CCBE1: variants seen among roughly 807,000 people sequenced by gnomAD.
The protein encoded by CCBE1 is collagen and calcium binding EGF domains 1.
CCBE1 carries 37 observed loss-of-function variants against 50.0 expected under a neutral mutation model. The ratio of observed to expected loss-of-function variants is 0.74; its 90% confidence interval spans 0.57 to 0.97. The LOEUF (loss-of-function observed/expected upper bound fraction) is 0.97, where lower values mean the gene tolerates loss of function less well. Ranked by LOEUF, CCBE1 falls within the 50% of genes least tolerant of loss-of-function variation. CCBE1 has a pLI of 0.00. For synonymous variants in CCBE1, 234 were observed against 203.7 expected, an observed-to-expected ratio of 1.15 and a Z score of -1.27; for missense variants, 538 against 523.8, an observed-to-expected ratio of 1.03 and a Z score of -0.26.
At chr18:59,470,326 C>T (rs1486765105) in intron 3 of CCBE1, among the ~76,000 whole-genome samples, 1 of 152,082 alleles carries the variant, frequency 6.6e-6, no homozygotes, top group Non-Finnish European at 1.5e-5. Context: ...GGGAAAGACC[C>T]ACCCCATGAT....
At chr18:59,695,533 A>T (rs927908060) in intron 2 of CCBE1, among the ~76,000 whole-genome samples, 3 of 152,356 alleles carry the variant, frequency 2.0e-5, no homozygotes, top group Middle Eastern at 3.4e-3. Flanking sequence ...TTAAGAGCAG[A>T]AGTACGCGAT....
At chr18:59,657,750 C>T (rs533979014) in intron 2 of CCBE1, among the ~76,000 whole-genome samples, 2 of 152,190 alleles carry the variant, frequency 1.3e-5, no homozygotes, top group South Asian at 2.1e-4. Flanking sequence ...ATTAGCCGGG[C>T]GTGGTGGCAC....
chr18:59,438,050 C>A, intron 10 of CCBE1, 61 bp downstream of exon 10: 1 of 1,554,840 alleles, frequency 6.4e-7, no homozygotes, highest in Non-Finnish European at 8.9e-7. Flanking sequence ...CCTATAGGCT[C>A]ATCAGAGCTG....
At position 59,506,241 on chromosome 18, in the gene CCBE1, A is replaced by G. The variant is rs140258985; in HGVS notation, c.213-26003T>C. On this transcript the variant is annotated intron_variant, in intron 2 of 10. Coordinates refer to ENST00000439986, the MANE Select transcript of CCBE1 (RefSeq NM_133459.4). ...ATTGGAGTGACACATCTGCAAGCAAAGAAATGCCAAGGATTGTCACAACCA... is the reference window on the plus strand; with the variant it reads ...ATTGGAGTGACACATCTGCAAGCAAGGAAATGCCAAGGATTGTCACAACCA... Among the ~76,000 whole-genome samples, 506 of 152,320 alleles carry G rather than the reference A, an allele frequency of 3.3e-3. 2 individuals carry two copies. The highest frequency in any genetic ancestry group is 0.011 in the African/African-American group (463 of 41,570).
At chr18:59,563,791 T>C (rs1442221883) in intron 2 of CCBE1, 5 of 152,026 alleles carry the variant, frequency 3.3e-5, no homozygotes, top group Non-Finnish European at 5.9e-5. Flanking sequence ...TGTACCAGAG[T>C]TGTTCGTGAT....
At chr18:59,639,811 A>G (rs893514505) in intron 2 of CCBE1, among the ~76,000 whole-genome samples, 5 of 152,238 alleles carry the variant, frequency 3.3e-5, no homozygotes, top group African/African-American at 1.2e-4. Context: ...AAAAAAAGTT[A>G]ATGTATGAAA....
At chr18:59,671,272 C>A (rs2054425717) in intron 2 of CCBE1, among the ~76,000 whole-genome samples, 3 of 152,068 alleles carry the variant, frequency 2.0e-5, no homozygotes. Context: ...GCAGCCAAGA[C>A]TGGCAGATCA....
At chr18:59,546,786 C>CT (rs1915701306) in intron 2 of CCBE1, among the ~76,000 whole-genome samples, 1 of 152,000 alleles carries the variant, frequency 6.6e-6, no homozygotes, top group Non-Finnish European at 1.5e-5. Context: ...TATGTTACTT[C>CT]TAGGCTTTGT....
At chr18:59,493,418 C>G (rs1165964671) in intron 2 of CCBE1, among the ~76,000 whole-genome samples, 3 of 152,072 alleles carry the variant, frequency 2.0e-5, no homozygotes, top group Non-Finnish European at 4.4e-5. Context: ...TTCACAGTGA[C>G]CCAATATCAC....
intron 2 of CCBE1, among the ~76,000 whole-genome samples, chr18:59,488,216 CGGA>C (rs1912915992): frequency 6.6e-6 from 1 of 152,102 alleles, no homozygotes. Flanking sequence ...TACTGGGTAA[CGGA>C]TACAGAGTTT....
chr18:59,509,578 AC>A (rs1914039389), intron 2 of CCBE1, among the ~76,000 whole-genome samples: 1 of 152,202 alleles, frequency 6.6e-6, no homozygotes, highest in African/African-American at 2.4e-5. Context: ...TTAACCAGAA[AC>A]CCTCAGGGGC....
chr18:59,657,817 G>A (rs1022981352), intron 2 of CCBE1, among the ~76,000 whole-genome samples: 1 of 152,206 alleles, frequency 6.6e-6, no homozygotes, highest in Admixed American at 6.5e-5. Flanking sequence ...CTCGAACCCG[G>A]GAGGTGGAGG....
At chr18:59,582,112 T>C (rs2053093144) in intron 2 of CCBE1, among the ~76,000 whole-genome samples, 1 of 152,182 alleles carries the variant, frequency 6.6e-6, no homozygotes, top group Non-Finnish European at 1.5e-5. Flanking sequence ...TGCCTCATAG[T>C]AGGGTGCTCC....
intron 2 of CCBE1, among the ~76,000 whole-genome samples, chr18:59,593,932 C>G (rs1469008292): frequency 2.0e-5 from 3 of 152,206 alleles, no homozygotes; most frequent in Non-Finnish European, 4.4e-5. Flanking sequence ...ACCTCCCATT[C>G]CAACAGCAAT....
intron 2 of CCBE1, among the ~76,000 whole-genome samples, chr18:59,575,869 G>T (rs1195270901): frequency 6.6e-6 from 1 of 152,152 alleles, no homozygotes; most frequent in Admixed American, 6.5e-5. Flanking sequence ...AGTTCTGCTG[G>T]AATCGATAAG....
chr18:59,688,109 G>A (rs986662814), intron 2 of CCBE1: 7 of 152,002 alleles, frequency 4.6e-5, no homozygotes, highest in East Asian at 1.9e-4. Flanking sequence ...TCCCTCGATG[G>A]GTATTCCTCC....
At position 59,436,071 on chromosome 18, in the gene CCBE1, T is replaced by C. The variant is rs192224843; in HGVS notation, c.1058A>G (p.Gln353Arg). Reference sequence around the variant, plus strand: ...AGTCCGGTGCCCGAACACCTTTTCCTGCAGCTCAGTGATGTCATTGCGGAT... The same window carrying C: ...AGTCCGGTGCCCGAACACCTTTTCCCGCAGCTCAGTGATGTCATTGCGGAT... ...ADIRNDITEL[Q>R]EKVFGHRTHS... The change falls in exon 11 of 11, where the codon CAG (glutamine) becomes CGG (arginine). Residue 353 changes from glutamine (Q) to arginine (R), a missense_variant. Gln to Arg is a conservative substitution (Grantham distance 43). Coordinates refer to ENST00000439986, the MANE Select transcript of CCBE1 (RefSeq NM_133459.4). The C allele has an allele frequency of 2.5e-6, 4 of 1,614,222 alleles. No individual in the cohort carries two copies. In the East Asian group the frequency reaches 8.9e-5, roughly 36 times the overall value.
At chr18:59,695,332 G>A (rs2054791010) in intron 2 of CCBE1, among the ~76,000 whole-genome samples, 6 of 152,208 alleles carry the variant, frequency 3.9e-5, no homozygotes, top group South Asian at 4.1e-4. Context: ...CACCAGCTCG[G>A]TGACCTTGCT....
At position 59,658,797 on chromosome 18, in the gene CCBE1, T is replaced by C. The variant is rs1000761393; in HGVS notation, c.212+37832A>G. Reference sequence around the variant, plus strand: ...TGGGAGGCTGAGGCAGGAAAATCCCTTGAACCCGGGCAGTGGAGTTTGCAG... The same window carrying C: ...TGGGAGGCTGAGGCAGGAAAATCCCCTGAACCCGGGCAGTGGAGTTTGCAG... On this transcript the variant is annotated intron_variant, in intron 2 of 10. Coordinates refer to ENST00000439986, the MANE Select transcript of CCBE1 (RefSeq NM_133459.4). 3.4e-5 allele frequency among the ~76,000 whole-genome samples: 5 copies of C among 145,108 alleles called. No homozygotes were observed. In the Admixed American group the frequency reaches 3.7e-4, roughly 11 times the overall value.
Sources: gnomAD v4.1 joint callset for allele counts (sites outside exome capture counted in the v4.1 genomes callset) on GRCh38, gnomAD v4.1.1 for gene constraint, MANE v1.5 for transcripts, NCBI Gene and HGNC (gene_info 2026-07-23, HGNC 2026-07-21) for gene names.